The following CFAP65 variants were observed in gnomAD, a reference collection of about 807,000 sequenced individuals.
CFAP65 encodes the protein cilia and flagella associated protein 65.
Under a neutral mutation model 208.0 loss-of-function variants are expected in CFAP65, and 155 were observed. The observed-to-expected ratio is 0.75, with a 90% CI of 0.65 to 0.85. CFAP65 has a LOEUF of 0.85. Among genes scored for constraint, CFAP65 ranks in the 40% least tolerant of loss-of-function variants. The pLI is 0.00. For missense variants in CFAP65, 2,294 were observed against 2,451.3 expected, an observed-to-expected ratio of 0.94 and a Z score of 1.36; for synonymous variants, 970 against 986.3, an observed-to-expected ratio of 0.98 and a Z score of 0.31.
Position 219,013,328 on chromosome 2 carries a change from A to G in CFAP65, c.3888T>C (p.Tyr1296=). The change falls in exon 24 of 35, where the codon TAT becomes TAC. Residue 1296 remains tyrosine (Y), a synonymous_variant. Transcript: ENST00000341552. ...IGVTVKPEQK[Y]VHFTSTTHQF... Reference sequence around the variant, plus strand: ...GGTGGGTAGTAGAGGTGAAGTGCACATACTTCTGCTCCGGCTTCACTGTCA... The same window carrying G: ...GGTGGGTAGTAGAGGTGAAGTGCACGTACTTCTGCTCCGGCTTCACTGTCA... The G allele has an allele frequency of 1.9e-6, 3 of 1,614,064 alleles. No homozygotes were observed. The highest frequency in any genetic ancestry group is 2.5e-6 in the Non-Finnish European group (3 of 1,179,978).
At chr2:219,030,480 G>A (rs1283534401) in intron 9 of CFAP65, among the ~76,000 whole-genome samples, 1 of 152,226 alleles carries the variant, frequency 6.6e-6, no homozygotes, top group Non-Finnish European at 1.5e-5. Flanking sequence ...ACAGTCTTAG[G>A]GCTGCTCGTG....
chr2:219,026,713 C>A, intron 13 of CFAP65: 1 of 889,048 alleles, frequency 1.1e-6, no homozygotes, highest in Non-Finnish European at 1.3e-6. Flanking sequence ...TTGGGACCAG[C>A]CACATATTAA....
In CFAP65 at chr2:219,041,505, G is replaced by A. The variant is rs1405241748; in HGVS notation, c.-66C>T. ...GAACTTACATCGCCTCCATATTGCC[G>A]TCTCCATAGATACAGGACGCGCAGG... On this transcript the variant is annotated 5_prime_UTR_variant, in exon 1 of 35. The change creates a new upstream start codon in the 5' untranslated region. Transcript: ENST00000341552. 5 of 1,550,522 alleles carry A rather than the reference G, an allele frequency of 3.2e-6. No homozygotes were observed. The highest frequency in any genetic ancestry group is 2.4e-5 in the South Asian group (2 of 84,054).
intron 13 of CFAP65, chr2:219,026,685 ACT>A (rs2106202770): frequency 3.4e-6 from 2 of 587,350 alleles, no homozygotes; most frequent in South Asian, 1.5e-4. Context: ...TGCATTTTAC[ACT>A]CACGGCACGT....
rs1438028266 is a variant in CFAP65, at chr2:219,021,180, G to A, written c.3231C>T (p.Thr1077=). Residue 1077 remains threonine (T), a synonymous_variant, in exon 19 of 35, where the codon ACC becomes ACT. Transcript: ENST00000341552. Reference sequence around the variant, plus strand: ...TGTGGGAAAGGAGAGAGTAGGTGATGGTCCAGGAGTACTGGGACCGCTGCT... The same window carrying A: ...TGTGGGAAAGGAGAGAGTAGGTGATAGTCCAGGAGTACTGGGACCGCTGCT... ...CPKQRSQYSW[T]ITYSLLSHRD... 3.8e-6 allele frequency: 6 copies of A among 1,590,104 alleles called. No homozygotes were observed. The highest frequency in any genetic ancestry group is 1.2e-5 in the South Asian group (1 of 86,398).
At chr2:219,033,667 C>T (rs1948186772) in intron 5 of CFAP65, 1 of 152,132 alleles carries the variant, frequency 6.6e-6, no homozygotes. Context: ...AGAAACCCTA[C>T]AGAAAATCAA....
At position 219,026,254 on chromosome 2, in the gene CFAP65, G is replaced by A. The variant is rs917422152; in HGVS notation, c.2212-95C>T. ...CCCTCCTTGCCCTTGTGCTGCAGGA[G>A]TCTGACATTGGACACAGACAGGAGG... On this transcript the variant is annotated intron_variant, in intron 13 of 34. Transcript: ENST00000341552. 249 of 1,364,298 alleles carry A rather than the reference G, an allele frequency of 1.8e-4. 1 individual carries two copies. Among genetic ancestry groups the A allele is most frequent in the Middle Eastern group, 3.8e-4 (2 of 5,230 alleles). 84.5% of individuals were successfully genotyped at this position (1,364,298 alleles called of 1,614,324 possible).
intron 5 of CFAP65, chr2:219,034,558 C>CT (rs927566617): frequency 1.3e-5 from 2 of 152,022 alleles, no homozygotes; most frequent in Non-Finnish European, 2.9e-5. Context: ...CAACTTTGAA[C>CT]TTTTATTCTT....
rs780365910 is a variant in CFAP65 at position 219,010,903 on chromosome 2, G to T, written c.4051C>A (p.Pro1351Thr). Reference protein sequence around the residue: ...SQVQEKNFDHPIFCCLNPKGE... With the variant: ...SQVQEKNFDHTIFCCLNPKGE... ...TTGGGGTTGAGGCAGCAAAAGATGG[G>T]GTGATCAAAATTTTTTTCCTGAACC... Residue 1351 changes from proline to threonine, a missense_variant, in exon 25 of 35, where the codon CCC becomes ACC. Pro to Thr is a conservative substitution (Grantham distance 38). Transcript: ENST00000341552. The T allele has an allele frequency of 6.2e-7, 1 of 1,613,876 alleles. No homozygotes were observed. The highest frequency in any genetic ancestry group is 8.5e-7 in the Non-Finnish European group (1 of 1,180,010).
In CFAP65 at chr2:219,022,276, C is replaced by T. The variant is rs1411920159; in HGVS notation, c.2874G>A (p.Val958=). The change falls in exon 17 of 35, where the codon GTG becomes GTA. Residue 958 remains valine (V), a synonymous_variant. Coordinates refer to ENST00000341552, the MANE Select transcript of CFAP65 (RefSeq NM_194302.4). ...PLEETKYLFQ[V]GMWVWEAGLS... ...GGCCGGCTTCCCAGACCCACATCCC[C>T]ACTTGGAACAGGTACTTGGTCTCCT... The T allele has an allele frequency of 1.9e-6, 3 of 1,607,806 alleles. No individual in the cohort carries two copies. The highest frequency in any genetic ancestry group is 1.7e-5 in the Admixed American group (1 of 59,170).
intron 32 of CFAP65, 132 bp downstream of exon 32, chr2:219,005,302 A>T: frequency 8.0e-7 from 1 of 1,242,282 alleles, no homozygotes; most frequent in Non-Finnish European, 1.1e-6. Flanking sequence ...TTGGAATTAC[A>T]GGCAAGAACC....
rs775090899 is a variant in CFAP65 at position 219,019,153 on chromosome 2, G to A, written c.3500C>T (p.Thr1167Ile). ...GAAATTGAAGTCAAGCCTTAAAGGG[G>A]TGAGGACGGGGGGGATCTGGCTCAT... ...HSMSQIPPVLTPLRLDFNFGA... is the reference protein window; with the variant it reads ...HSMSQIPPVLIPLRLDFNFGA... Residue 1167 changes from threonine to isoleucine, a missense_variant, in exon 21 of 35, where the codon ACC becomes ATC. Thr to Ile is a moderately conservative substitution (Grantham distance 89, BLOSUM62 -1). Around this residue, in one of 2 missense-constraint regions of CFAP65, gnomAD observed 1,427 missense variants for 1,438.7 expected, o/e 0.99. Transcript: ENST00000341552. 1 of 1,614,030 alleles carries A rather than the reference G, an allele frequency of 6.2e-7. No individual in the cohort carries two copies. Among genetic ancestry groups the A allele is most frequent in the Non-Finnish European group, 8.5e-7 (1 of 1,179,934 alleles).
At position 219,009,386 on chromosome 2, in the gene CFAP65, A is replaced by C; in HGVS notation, c.4527T>G (p.Ser1509=). The change falls in exon 28 of 35, where the codon TCT becomes TCG. Residue 1509 remains serine (S), a synonymous_variant. Coordinates refer to ENST00000341552, the MANE Select transcript of CFAP65 (RefSeq NM_194302.4). ...TVPFVVTLRA[S]VHASFYSADL... is the part of the protein sequence containing the mutation. ...CTGCACTGTAGAAGCTGGCATGCAC[A>C]GAGGCCCTCAAGGTCACCACAAATG... 3 of 1,612,734 alleles carry C rather than the reference A, an allele frequency of 1.9e-6. No individual in the cohort carries two copies. Among genetic ancestry groups the C allele is most frequent in the Non-Finnish European group, 2.5e-6 (3 of 1,179,930 alleles).
In CFAP65 at chr2:219,021,933, G is replaced by A; in HGVS notation, c.2980-3C>T. The A allele has an allele frequency of 6.2e-7, 1 of 1,613,152 alleles. No homozygotes were observed. The highest frequency in any genetic ancestry group is 8.5e-7 in the Non-Finnish European group (1 of 1,179,910). ...AAGGCCAGCTCCTTTTCCTTTGCCTGGAGGCCACAGTCAGCCAGCCGGGAG... is the reference window on the plus strand; with the variant it reads ...AAGGCCAGCTCCTTTTCCTTTGCCTAGAGGCCACAGTCAGCCAGCCGGGAG... On this transcript the variant is annotated splice_polypyrimidine_tract_variant and splice_region_variant and intron_variant, in intron 17 of 34. Coordinates refer to ENST00000341552, the MANE Select transcript of CFAP65 (RefSeq NM_194302.4).
At chr2:219,019,911 C>T (rs1947167390) in intron 19 of CFAP65, among the ~76,000 whole-genome samples, 192 bp from the exon 20 acceptor site, 3 of 152,226 alleles carry the variant, frequency 2.0e-5, no homozygotes. Context: ...GTGTACTGGG[C>T]ATTGTCCTCA....
At chr2:219,009,875 T>C in intron 27 of CFAP65, 67 bp downstream of exon 27, 1 of 1,347,804 alleles carries the variant, frequency 7.4e-7, no homozygotes, top group Non-Finnish European at 9.8e-7. Flanking sequence ...TGGTATGGGA[T>C]GGGGTCAGGT....
At chr2:219,019,357 C>T in intron 20 of CFAP65, 149 bp downstream of exon 20, 1 of 1,038,142 alleles carries the variant, frequency 9.6e-7, no homozygotes, top group East Asian at 2.6e-5. Context: ...TCCCTGGGCC[C>T]CTCCAGGGAT....
chr2:219,029,997 C>G lies in CFAP65; in HGVS notation c.1373G>C (p.Gly458Ala). 1 of 1,613,946 alleles carries G rather than the reference C, an allele frequency of 6.2e-7. No individual in the cohort carries two copies. Among genetic ancestry groups the G allele is most frequent in the Non-Finnish European group, 8.5e-7 (1 of 1,179,954 alleles). ...CASKTLLKVV[G>A]FCRGPAVSLQ... Reference sequence around the variant, plus strand: ...GGGGTCACCGGTACCTCTACAGAAACCAACGACTTTAAGCAGGGTCTTGGA... The same window carrying G: ...GGGGTCACCGGTACCTCTACAGAAAGCAACGACTTTAAGCAGGGTCTTGGA... Residue 458 changes from glycine (G) to alanine (A), a missense_variant, in exon 10 of 35, where the codon GGT becomes GCT. By Grantham distance (60) the Gly-to-Ala change is moderately conservative. This residue lies in a region of CFAP65 where 867 missense variants were observed against 1,012.6 expected (regional missense o/e 0.86). Transcript: ENST00000341552.
Position 219,003,351 on chromosome 2 carries a change from T to C in CFAP65, c.5556-79A>G, listed in dbSNP as rs1324211764. On this transcript the variant is annotated intron_variant, in intron 33 of 34. Transcript: ENST00000341552. The surrounding 1 kb of genome is among the most constrained non-coding windows in gnomAD (Gnocchi z 4.4). Reference sequence around the variant, plus strand: ...TCGCTCGCCTGTCCGTGCGGTACATTGTGCCGCGAGCTCTACGGAGATTCC... The same window carrying C: ...TCGCTCGCCTGTCCGTGCGGTACATCGTGCCGCGAGCTCTACGGAGATTCC... 6.2e-6 allele frequency: 9 copies of C among 1,443,342 alleles called. No individual in the cohort carries two copies. In the East Asian group the frequency reaches 2.3e-4, roughly 36 times the overall value. The allele number at this position is 1,443,342 out of a possible 1,614,324, so 89.4% of individuals were successfully genotyped here.
Sources: gnomAD v4.1 joint callset for allele counts (sites outside exome capture counted in the v4.1 genomes callset) on GRCh38, gnomAD v4.1.1 for gene constraint, gnomAD v4.1.1 regional missense constraint, Gnocchi (gnomAD v3.1) non-coding constraint, MANE v1.5 for transcripts, NCBI Gene and HGNC (gene_info 2026-07-23, HGNC 2026-07-21) for gene names.